Variants in CELSR1 observed in about 807,000 individuals in gnomAD.
The protein encoded by CELSR1 is adhesion G protein-coupled receptor C1.
In CELSR1, 110 loss-of-function variants were observed where a neutral mutation model predicts 249.1. The observed-to-expected ratio is 0.44, with a 90% CI of 0.38 to 0.52. The LOEUF is 0.52. Ranked by LOEUF, CELSR1 falls within the 20% of genes least tolerant of loss-of-function variation. The pLI, the probability that CELSR1 is intolerant of heterozygous loss-of-function variation, is 0.00. For synonymous variants in CELSR1, 2,113 were observed against 1,900.0 expected (o/e 1.11, Z -2.92); for missense variants, 4,109 against 4,296.4 (o/e 0.96, Z 1.22).
Position 46,396,878 on chromosome 22 carries a change from G to A in CELSR1, c.5702-132C>T. 8.1e-7 allele frequency: 1 copy of A among 1,237,318 alleles called. No individual in the cohort carries two copies. Among genetic ancestry groups the A allele is most frequent in the African/African-American group, 1.5e-5 (1 of 66,204 alleles). The allele number at this position is 1,237,318 out of a possible 1,614,324, so 76.6% of individuals were successfully genotyped here. ...ACTCAGCAGAGGGAAGAGGAAGAGT[G>A]CCACAGAGTCCCCGAAAACACAGCG... On this transcript the variant is annotated intron_variant, in intron 12 of 34. Transcript: ENST00000674500. The surrounding 1 kb of genome is among the most constrained non-coding windows in gnomAD (Gnocchi z 6.4).
intron 1 of CELSR1, among the ~76,000 whole-genome samples, chr22:46,494,749 C>T (rs538051108): frequency 1.3e-5 from 2 of 152,188 alleles, no homozygotes; most frequent in South Asian, 2.1e-4. Flanking sequence ...TCAAGTGATC[C>T]GCCCGCCTCG....
At chr22:46,420,571 A>T (rs1024932297) in intron 5 of CELSR1, among the ~76,000 whole-genome samples, 2 of 152,216 alleles carry the variant, frequency 1.3e-5, no homozygotes, top group Non-Finnish European at 2.9e-5. Context: ...ACTTGTGTGC[A>T]CACATGCTCA....
At chr22:46,371,869 C>A (rs747107815) in intron 25 of CELSR1, among the ~76,000 whole-genome samples, 32 of 148,380 alleles carry the variant, frequency 2.2e-4, no homozygotes, top group Middle Eastern at 3.6e-3. Flanking sequence ...CTTATCCAAT[C>A]CATCCATCCA....
chr22:46,397,180 T>G (rs2147275378), intron 12 of CELSR1, among the ~76,000 whole-genome samples: 1 of 152,022 alleles, frequency 6.6e-6, no homozygotes, highest in East Asian at 1.9e-4. Flanking sequence ...CTCAGCTCAC[T>G]GGAACCTTTG....
chr22:46,505,601 A>C (rs996018950), intron 1 of CELSR1, among the ~76,000 whole-genome samples: 5 of 152,160 alleles, frequency 3.3e-5, no homozygotes, highest in Admixed American at 3.3e-4. Flanking sequence ...AGATCATGCT[A>C]CTGCACTCCA....
At chr22:46,388,791 G>A (rs2079057724) in intron 18 of CELSR1, among the ~76,000 whole-genome samples, 2 of 152,100 alleles carry the variant, frequency 1.3e-5, no homozygotes, top group Admixed American at 6.6e-5. Context: ...CACAGCCAGA[G>A]GGTTGAGGCG....
chr22:46,405,232 G>A (rs537812216), intron 9 of CELSR1, among the ~76,000 whole-genome samples: 2 of 150,914 alleles, frequency 1.3e-5, no homozygotes, highest in Admixed American at 6.6e-5. Flanking sequence ...AGGCTGAGGC[G>A]GGTGGATCAC....
chr22:46,516,139 T>C (rs540267476), intron 1 of CELSR1, among the ~76,000 whole-genome samples: 1 of 152,300 alleles, frequency 6.6e-6, no homozygotes, highest in South Asian at 2.1e-4. Flanking sequence ...ATCATGCTGC[T>C]ATAAAGACAC....
At position 46,436,043 on chromosome 22, in the gene CELSR1, G is replaced by T. The variant is rs940124368; in HGVS notation, c.4522+131C>A. 1.5e-6 allele frequency: 1 copy of T among 667,820 alleles called. No individual in the cohort carries two copies. The highest frequency in any genetic ancestry group is 1.8e-5 in the African/African-American group (1 of 55,440). The allele number at this position is 667,820 out of a possible 1,614,324, so 41.4% of individuals were successfully genotyped here. On this transcript the variant is annotated intron_variant, in intron 4 of 34. Transcript: ENST00000674500. The surrounding 1 kb of genome is among the most constrained non-coding windows in gnomAD (Gnocchi z 5.9). ...TACTTTGGATTTCTTAAATAAGACA[G>T]CTTCCTAGACCTACAAGTGAGGGAT...
chr22:46,520,717 C>A (rs544837757), intron 1 of CELSR1, among the ~76,000 whole-genome samples: 11 of 152,160 alleles, frequency 7.2e-5, no homozygotes, highest in Non-Finnish European at 1.6e-4. Flanking sequence ...CTGCCTCGGC[C>A]TCCCAAAGTG....
At chr22:46,478,750 C>T (rs1324816615) in intron 1 of CELSR1, among the ~76,000 whole-genome samples, 1 of 149,416 alleles carries the variant, frequency 6.7e-6, no homozygotes, top group Non-Finnish European at 1.5e-5. Context: ...GACGGGGTTT[C>T]ACCATGTTAG....
rs1489254649 is a variant in CELSR1 at position 46,363,089 on chromosome 22, C to G, written c.*134G>C. ...CTGCCACCATGGGGACCGCCACACT[C>G]TGGGCCCACTCCACTTCAAGGGCAG... is the stretch of plus-strand genomic sequence containing the variant. On this transcript the variant is annotated 3_prime_UTR_variant, in exon 35 of 35. Coordinates refer to ENST00000674500, the MANE Select transcript of CELSR1 (RefSeq NM_001378328.1). This position sits in a 1 kb window ranked among gnomAD's most constrained non-coding sequence, Gnocchi z 4.3. 3 of 1,589,374 alleles carry G rather than the reference C, an allele frequency of 1.9e-6. No homozygotes were observed. The highest frequency in any genetic ancestry group is 1.3e-5 in the African/African-American group (1 of 74,324).
Position 46,384,319 on chromosome 22 carries a change from A to G in CELSR1, c.6883+224T>C, listed in dbSNP as rs191330490. 4.1e-4 allele frequency among the ~76,000 whole-genome samples: 62 copies of G among 152,352 alleles called. 1 individual carries two copies. The East Asian group carries it at 0.01, about 25-fold the overall frequency. On this transcript the variant is annotated intron_variant, in intron 20 of 34. Coordinates refer to ENST00000674500, the MANE Select transcript of CELSR1 (RefSeq NM_001378328.1). Reference sequence around the variant, plus strand: ...GTCAGGTTGGTGCTCAAGAAGGTTCAGGTTCTGGGGCATTTCAGATTTCAG... The same window carrying G: ...GTCAGGTTGGTGCTCAAGAAGGTTCGGGTTCTGGGGCATTTCAGATTTCAG...
Position 46,464,265 on chromosome 22 carries a change from C to T in CELSR1, c.3625G>A (p.Val1209Ile). 6.2e-7 allele frequency: 1 copy of T among 1,613,712 alleles called. No individual in the cohort carries two copies. Among genetic ancestry groups the T allele is most frequent in the African/African-American group, 1.3e-5 (1 of 75,064 alleles). ...TCCTGGGACATGTTCTCCAGGCGGA[C>T]AGTGATGCTGTTGGTCAGCATGTCG... is the stretch of plus-strand genomic sequence containing the variant. ...TDDMLTNSIT[V>I]RLENMSQEKF... Residue 1209 changes from valine (V) to isoleucine (I), a missense_variant, in exon 2 of 35, where the codon GTC becomes ATC. Val to Ile is a conservative substitution (Grantham distance 29). Around this residue, in one of 7 missense-constraint regions of CELSR1, gnomAD observed 886 missense variants for 896.5 expected, o/e 0.99. Coordinates refer to ENST00000674500, the MANE Select transcript of CELSR1 (RefSeq NM_001378328.1). This position sits in a 1 kb window ranked among gnomAD's most constrained non-coding sequence, Gnocchi z 8.5.
At position 46,381,865 on chromosome 22, in the gene CELSR1, G is replaced by C; in HGVS notation, c.7069C>G (p.Pro2357Ala). 1 of 1,564,424 alleles carries C rather than the reference G, an allele frequency of 6.4e-7. No homozygotes were observed. Among genetic ancestry groups the C allele is most frequent in the East Asian group, 2.4e-5 (1 of 42,374 alleles). ...CCTTACCGGAGGCTGCGACGGTCGGGGTCGTAGCGCTCGGGCAGGAGCTGC... is the reference window on the plus strand; with the variant it reads ...CCTTACCGGAGGCTGCGACGGTCGGCGTCGTAGCGCTCGGGCAGGAGCTGC... ...LGQLLPERYD[P>A]DRRSLRLPHR... Residue 2357 changes from proline to alanine, a missense_variant, in exon 21 of 35, where the codon CCC becomes GCC. Transcript: ENST00000674500. The surrounding 1 kb of genome is among the most constrained non-coding windows in gnomAD (Gnocchi z 6.0).
Position 46,391,367 on chromosome 22 carries a change from GCCTCCCTGCAGGAGGC to G in CELSR1, c.6149-96_6149-81del, listed in dbSNP as rs2147254739. The stretch of plus-strand genomic sequence containing the variant: ...CAAACAGGCACCACTGTCTGCATGC[GCCTCCCTGCAGGAGGC>G]CCTGCTCCCACCAAGAACCGAACCC... On this transcript the variant is annotated intron_variant, in intron 15 of 34. Coordinates refer to ENST00000674500, the MANE Select transcript of CELSR1 (RefSeq NM_001378328.1). This position sits in a 1 kb window ranked among gnomAD's most constrained non-coding sequence, Gnocchi z 4.3. The G allele has an allele frequency of 7.8e-7, 1 of 1,282,650 alleles. No homozygotes were observed. Among genetic ancestry groups the G allele is most frequent in the South Asian group, 1.3e-5 (1 of 77,944 alleles). 79.5% of individuals were successfully genotyped at this position (1,282,650 alleles called of 1,614,324 possible). A position where few individuals can be genotyped will look rare whatever the true frequency, so the allele number is the denominator to read the frequency against.
chr22:46,410,002 G>T lies in CELSR1; in HGVS notation c.4934-122C>A. On this transcript the variant is annotated intron_variant, in intron 7 of 34. Transcript: ENST00000674500. The surrounding 1 kb of genome is among the most constrained non-coding windows in gnomAD (Gnocchi z 6.8). Reference sequence around the variant, plus strand: ...CGGGGCTGGACAGAAGTCAGACCAGGTCTGAACGCCCCTGGCAACGGCAGG... The same window carrying T: ...CGGGGCTGGACAGAAGTCAGACCAGTTCTGAACGCCCCTGGCAACGGCAGG... The T allele has an allele frequency of 7.7e-7, 1 of 1,291,150 alleles. No individual in the cohort carries two copies. The highest frequency in any genetic ancestry group is 2.0e-5 in the Admixed American group (1 of 49,986). The allele number at this position is 1,291,150 out of a possible 1,614,324, so 80.0% of individuals were successfully genotyped here. A position where few individuals can be genotyped will look rare whatever the true frequency, so the allele number is the denominator to read the frequency against.
At chr22:46,508,734 A>G (rs1393118107) in intron 1 of CELSR1, among the ~76,000 whole-genome samples, 1 of 152,178 alleles carries the variant, frequency 6.6e-6, no homozygotes, top group African/African-American at 2.4e-5. Context: ...ATTTCTAAGA[A>G]TGAATATGTT....
chr22:46,384,621 T>C lies in CELSR1; in HGVS notation c.6805A>G (p.Ile2269Val), dbSNP rs2079013102. Residue 2269 changes from isoleucine to valine, a missense_variant, in exon 20 of 35, where the codon ATC (isoleucine) becomes GTC (valine). Around this residue, in one of 7 missense-constraint regions of CELSR1, gnomAD observed 1,805 missense variants for 1,831.6 expected, o/e 0.99. Coordinates refer to ENST00000674500, the MANE Select transcript of CELSR1 (RefSeq NM_001378328.1). ...TGARVPRFDT[I>V]HEEFPRELES... is the part of the protein sequence containing the mutation. Reference sequence around the variant, plus strand: ...AGCTCCCTGGGGAACTCTTCATGGATGGTGTCGAATCGCGGGACCCTGGCT... The same window carrying C: ...AGCTCCCTGGGGAACTCTTCATGGACGGTGTCGAATCGCGGGACCCTGGCT... The C allele has an allele frequency of 1.9e-6, 3 of 1,613,800 alleles. No homozygotes were observed. The highest frequency in any genetic ancestry group is 3.3e-4 in the Middle Eastern group (2 of 6,060).
Sources: allele counts gnomAD v4.1 joint callset (sites outside exome capture counted in the v4.1 genomes callset), GRCh38; gene constraint gnomAD v4.1.1; regional missense constraint gnomAD v4.1.1; non-coding constraint Gnocchi (gnomAD v3.1); transcripts MANE v1.5; gene names NCBI Gene and HGNC (gene_info 2026-07-23, HGNC 2026-07-21).